Variants in LHFPL3 observed in about 807,000 individuals in gnomAD.
LHFPL3 encodes the protein LHFPL tetraspan subfamily member 3 protein.
In LHFPL3, 5 loss-of-function variants were observed where a neutral mutation model predicts 19.3. The ratio of observed to expected loss-of-function variants is 0.26; its 90% CI spans 0.14 to 0.54. The LOEUF (loss-of-function observed/expected upper bound fraction) is 0.54. LHFPL3 is among the 20% of genes least tolerant of loss of function. The probability of loss-of-function intolerance (pLI) is 0.94; values close to 1 mark genes in which losing one functional copy is unlikely to be tolerated. For synonymous variants in LHFPL3, 133 were observed against 126.2 expected (o/e 1.05, Z -0.36); for missense variants, 249 against 307.4 (o/e 0.81, Z 1.42).
intron 2 of LHFPL3, among the ~76,000 whole-genome samples, chr7:104,890,191 T>C (rs1792217407): frequency 6.6e-6 from 1 of 152,212 alleles, no homozygotes. Context: ...ATAGTCTAGC[T>C]ACTCAAGAGC....
At chr7:104,406,001 T>C (rs530166757) in intron 1 of LHFPL3, among the ~76,000 whole-genome samples, 33 of 152,366 alleles carry the variant, frequency 2.2e-4, no homozygotes, top group African/African-American at 7.7e-4. Context: ...AAATCAAATG[T>C]AGAATAACTC....
At chr7:104,877,386 A>G (rs564300756) in intron 2 of LHFPL3, among the ~76,000 whole-genome samples, 11 of 152,368 alleles carry the variant, frequency 7.2e-5, no homozygotes, top group South Asian at 4.1e-4. Flanking sequence ...TATCCAAAGT[A>G]TGTAAACAGC....
intron 1 of LHFPL3, among the ~76,000 whole-genome samples, chr7:104,682,577 C>G (rs943480713): frequency 2.0e-5 from 3 of 152,196 alleles, no homozygotes; most frequent in African/African-American, 7.2e-5. Flanking sequence ...CTTGAAACCT[C>G]TGGCGACTGG....
intron 1 of LHFPL3, among the ~76,000 whole-genome samples, chr7:104,477,421 GT>G (rs1177283368): frequency 2.0e-5 from 3 of 152,156 alleles, no homozygotes; most frequent in Non-Finnish European, 2.9e-5. Context: ...CTCCAATGTG[GT>G]CTCTGCTCCC....
chr7:104,602,770 T>A (rs946217772), intron 1 of LHFPL3, among the ~76,000 whole-genome samples: 28 of 152,322 alleles, frequency 1.8e-4, no homozygotes, highest in Middle Eastern at 3.4e-3. Flanking sequence ...GGCTCATGTT[T>A]CTGGAGGCTG....
chr7:104,415,514 A>T (rs1791604523), intron 1 of LHFPL3, among the ~76,000 whole-genome samples: 2 of 152,276 alleles, frequency 1.3e-5, no homozygotes, highest in East Asian at 1.9e-4. Context: ...AATATTATAT[A>T]AAAATATGAA....
At chr7:104,884,583 T>G (rs140975765) in intron 2 of LHFPL3, among the ~76,000 whole-genome samples, 1 of 152,174 alleles carries the variant, frequency 6.6e-6, no homozygotes, top group Non-Finnish European at 1.5e-5. Context: ...AAAAAGAATA[T>G]AGTGCAGCCT....
At chr7:104,609,728 G>C (rs1437287415) in intron 1 of LHFPL3, among the ~76,000 whole-genome samples, 1 of 152,168 alleles carries the variant, frequency 6.6e-6, no homozygotes, top group African/African-American at 2.4e-5. Flanking sequence ...TGGAAAAATA[G>C]TTAAAACAAA....
intron 1 of LHFPL3, among the ~76,000 whole-genome samples, chr7:104,396,495 C>T (rs1227496647): frequency 6.6e-6 from 1 of 152,028 alleles, no homozygotes; most frequent in Non-Finnish European, 1.5e-5. Flanking sequence ...TACTATAATG[C>T]TGGGTTCCTC....
intron 1 of LHFPL3, among the ~76,000 whole-genome samples, chr7:104,446,573 A>G (rs1463778183): frequency 6.6e-6 from 1 of 151,592 alleles, no homozygotes; most frequent in African/African-American, 2.4e-5. Context: ...TTATTTTTTT[A>G]TTTTTTATTT....
chr7:104,551,116 TACAC>T (rs3049711), intron 1 of LHFPL3, among the ~76,000 whole-genome samples: 7,159 of 150,166 alleles, frequency 0.048, 531 homozygotes, highest in African/African-American at 0.16. Context: ...CATCCTTGTG[TACAC>T]ACACACACAC....
chr7:104,693,977 T>C (rs529216034), intron 1 of LHFPL3, among the ~76,000 whole-genome samples: 1 of 152,278 alleles, frequency 6.6e-6, no homozygotes, highest in African/African-American at 2.4e-5. Context: ...TATTTCTTCA[T>C]AGCAGCATGA....
intron 1 of LHFPL3, among the ~76,000 whole-genome samples, chr7:104,563,556 G>T (rs560133005): frequency 6.6e-6 from 1 of 152,226 alleles, no homozygotes; most frequent in Non-Finnish European, 1.5e-5. Context: ...CACGGTGCAC[G>T]CACCCACTGA....
At position 104,565,721 on chromosome 7, in the gene LHFPL3, GTCTATCTATCTATCTA is replaced by G. The variant is rs6150264; in HGVS notation, c.446-170917_446-170902del. Among the ~76,000 whole-genome samples, 329 of 144,048 alleles carry G rather than the reference GTCTATCTATCTATCTA, an allele frequency of 2.3e-3. 1 individual carries two copies. The highest frequency in any genetic ancestry group is 0.011 in the South Asian group (49 of 4,294). 94.5% of individuals were successfully genotyped at this position (144,048 alleles called of 152,430 possible). On this transcript the variant is annotated intron_variant, in intron 1 of 2. Transcript: ENST00000424859. ...TTTCCCTGCACCTTCCTGTCTGTCT[GTCTATCTATCTATCTA>G]TCTATCTATCTATCTATCTATCTAT...
At chr7:104,564,388 G>A (rs1790079159) in intron 1 of LHFPL3, among the ~76,000 whole-genome samples, 1 of 152,182 alleles carries the variant, frequency 6.6e-6, no homozygotes, top group South Asian at 2.1e-4. Context: ...AAAACAGCCA[G>A]CAGTAGGAAC....
intron 2 of LHFPL3, among the ~76,000 whole-genome samples, chr7:104,861,612 A>G (rs4730056): frequency 1 from 151,469 of 152,210 alleles, 75,368 homozygotes; most frequent in Middle Eastern, 1. Flanking sequence ...CTAGAGGAGG[A>G]GCCTCCTGGC....
At chr7:104,527,438 A>T (rs747379490) in intron 1 of LHFPL3, among the ~76,000 whole-genome samples, 11 of 152,224 alleles carry the variant, frequency 7.2e-5, no homozygotes, top group Non-Finnish European at 1.5e-4. Flanking sequence ...CGAGGTGTGG[A>T]CAGATTTGGG....
At chr7:104,663,250 A>G (rs1432960124) in intron 1 of LHFPL3, among the ~76,000 whole-genome samples, 1 of 152,256 alleles carries the variant, frequency 6.6e-6, no homozygotes. Context: ...ACATGCTATA[A>G]GACCAACTCA....
chr7:104,394,215 A>T (rs1791138189), intron 1 of LHFPL3, among the ~76,000 whole-genome samples: 1 of 152,190 alleles, frequency 6.6e-6, no homozygotes, highest in Admixed American at 6.5e-5. Flanking sequence ...TCACTTGCAG[A>T]ATTTCATTAA....
Sources: gnomAD v4.1 joint callset for allele counts (sites outside exome capture counted in the v4.1 genomes callset) on GRCh38, gnomAD v4.1.1 for gene constraint, MANE v1.5 for transcripts, NCBI Gene and HGNC (gene_info 2026-07-23, HGNC 2026-07-21) for gene names.